MYO18B: variants seen among roughly 807,000 people sequenced by gnomAD.
MYO18B encodes myosin XVIIIB.
A neutral mutation model predicts 273.0 loss-of-function variants in MYO18B; 204 were observed. The observed-to-expected ratio is 0.75, with a 90% CI of 0.67 to 0.84. The LOEUF (loss-of-function observed/expected upper bound fraction) is 0.84, where lower values mean the gene tolerates loss of function less well. Ranked by LOEUF, MYO18B falls within the 40% of genes least tolerant of loss-of-function variation. The probability of loss-of-function intolerance (pLI) is 0.00; values close to 1 mark genes in which losing one functional copy is unlikely to be tolerated. For missense variants in MYO18B, 3,212 were observed against 3,287.6 expected (o/e 0.98, Z 0.56); for synonymous variants, 1,330 against 1,305.7 (o/e 1.02, Z -0.40).
At chr22:25,899,038 C>T (rs1201468723) in intron 29 of MYO18B, 1 of 152,808 alleles carries the variant, frequency 6.5e-6, no homozygotes, top group Admixed American at 6.5e-5. Flanking sequence ...ATATGGCCTT[C>T]TCATTTAGGA....
intron 39 of MYO18B, among the ~76,000 whole-genome samples, chr22:25,968,029 T>A (rs1304149816): frequency 6.6e-6 from 1 of 152,156 alleles, no homozygotes; most frequent in Non-Finnish European, 1.5e-5. Flanking sequence ...TCCCTTCCCA[T>A]TGCCTTGGAG....
intron 1 of MYO18B, among the ~76,000 whole-genome samples, chr22:25,753,711 C>T (rs1236531213): frequency 6.6e-6 from 1 of 152,160 alleles, no homozygotes; most frequent in Admixed American, 6.5e-5. Flanking sequence ...GACGCGGTGC[C>T]TTTAAGAGCT....
chr22:25,929,470 G>T (rs1365072389), intron 34 of MYO18B, among the ~76,000 whole-genome samples: 2 of 152,168 alleles, frequency 1.3e-5, no homozygotes, highest in African/African-American at 4.8e-5. Flanking sequence ...AATAACATCT[G>T]TGAGCAGCAG....
rs143002843 is a variant in MYO18B at position 26,000,717 on chromosome 22, T to A, written c.6288-2548T>A. 2.2e-3 allele frequency among the ~76,000 whole-genome samples: 338 copies of A among 152,264 alleles called. 2 individuals are homozygous for A. The highest frequency in any genetic ancestry group is 2.8e-3 in the Non-Finnish European group (189 of 68,034). On this transcript the variant is annotated intron_variant, in intron 40 of 43. Transcript: ENST00000335473. ...GTTCCCAGAAGCTCTTAATTCAGCC[T>A]TCTTATTTTAAACATACTCTCATTT...
intron 21 of MYO18B, among the ~76,000 whole-genome samples, chr22:25,860,489 A>G (rs1206402714): frequency 1.3e-5 from 2 of 152,202 alleles, no homozygotes; most frequent in Admixed American, 1.3e-4. Context: ...TGGTTAAAGC[A>G]TACATTTTCC....
chr22:25,886,885 T>C (rs1391907290), intron 25 of MYO18B, among the ~76,000 whole-genome samples: 1 of 152,108 alleles, frequency 6.6e-6, no homozygotes. Context: ...TCCTGTTCTG[T>C]AAAAGGGGAA....
At chr22:25,984,895 G>A (rs2093185059) in intron 39 of MYO18B, among the ~76,000 whole-genome samples, 1 of 152,150 alleles carries the variant, frequency 6.6e-6, no homozygotes, top group Non-Finnish European at 1.5e-5. Context: ...TTGGCTTGGT[G>A]AGTTGAGATA....
chr22:25,938,124 G>T (rs533185372), intron 34 of MYO18B, among the ~76,000 whole-genome samples: 2 of 152,156 alleles, frequency 1.3e-5, no homozygotes, highest in Admixed American at 1.3e-4. Context: ...CCCCTCAGTT[G>T]TTCAACCAGA....
intron 34 of MYO18B, among the ~76,000 whole-genome samples, chr22:25,943,749 C>T (rs531354495): frequency 6.7e-5 from 8 of 119,326 alleles, no homozygotes; most frequent in South Asian, 5.6e-4. Flanking sequence ...GACGGAGTTT[C>T]GGTCTTGTTA....
chr22:25,807,316 G>A (rs977363945), intron 12 of MYO18B, among the ~76,000 whole-genome samples: 1 of 152,250 alleles, frequency 6.6e-6, no homozygotes, highest in African/African-American at 2.4e-5. Context: ...GAGTGACACA[G>A]ATCTGGACTC....
At chr22:25,744,502 T>C (rs1027850315) in intron 1 of MYO18B, among the ~76,000 whole-genome samples, 3 of 151,964 alleles carry the variant, frequency 2.0e-5, no homozygotes, top group African/African-American at 7.3e-5. Context: ...GAGGCCGAGG[T>C]GGGCAGATCA....
chr22:25,755,203 A>T (rs1469235152), intron 1 of MYO18B, among the ~76,000 whole-genome samples: 1 of 151,304 alleles, frequency 6.6e-6, no homozygotes, highest in Non-Finnish European at 1.5e-5. Flanking sequence ...TTTAAATTAA[A>T]TTTTATTTTA....
In MYO18B at chr22:25,890,792, T is replaced by C. The variant is rs1266541897; in HGVS notation, c.4351T>C (p.Phe1451Leu). 1 of 1,613,814 alleles carries C rather than the reference T, an allele frequency of 6.2e-7. No individual in the cohort carries two copies. Among genetic ancestry groups the C allele is most frequent in the African/African-American group, 1.3e-5 (1 of 74,902 alleles). Residue 1451 changes from phenylalanine (F) to leucine (L), a missense_variant, in exon 26 of 44, where the codon TTC becomes CTC. Coordinates refer to ENST00000335473, the MANE Select transcript of MYO18B (RefSeq NM_032608.7). ...DLTSDLADER[F>L]KGDVACQVLE... Reference sequence around the variant, plus strand: ...GACCTCTGACCTTGCCGATGAGCGCTTCAAAGGTGATGTGGCCTGCCAGGT... The same window carrying C: ...GACCTCTGACCTTGCCGATGAGCGCCTCAAAGGTGATGTGGCCTGCCAGGT...
intron 17 of MYO18B, among the ~76,000 whole-genome samples, chr22:25,839,182 ATGAG>A (rs779327209): frequency 2.2e-4 from 33 of 150,760 alleles, no homozygotes; most frequent in East Asian, 9.8e-4. Flanking sequence ...GTATATATGT[ATGAG>A]TGTGTTTGTA....
chr22:26,053,114 G>T, the MYO18B span, among the ~76,000 whole-genome samples: 1 of 152,132 alleles, frequency 6.6e-6, no homozygotes, highest in Non-Finnish European at 1.5e-5. Context: ...GCCGAATTGG[G>T]TGTCTTTTTA....
In MYO18B at chr22:25,967,896, G is replaced by A. The variant is rs868205319; in HGVS notation, c.6156+12532G>A. Among the ~76,000 whole-genome samples, 18 of 152,230 alleles carry A rather than the reference G, an allele frequency of 1.2e-4. 2 individuals are homozygous for A. The South Asian group carries it at 3.7e-3, about 32-fold the overall frequency. On this transcript the variant is annotated intron_variant, in intron 39 of 43. Transcript: ENST00000335473. ...ATTCCATGCTCCATGACATCACATT[G>A]GTAGCTTGACATTGGCCATTGTGGG...
At chr22:26,056,118 G>A in the MYO18B span, among the ~76,000 whole-genome samples, 5 of 152,168 alleles carry the variant, frequency 3.3e-5, no homozygotes, top group Admixed American at 1.3e-4. Context: ...GGTTGCTGAA[G>A]TTTTAAGTTC....
chr22:25,761,158 C>T (rs1214448211), intron 2 of MYO18B, 27 bp downstream of exon 2: 1 of 1,611,628 alleles, frequency 6.2e-7, no homozygotes, highest in African/African-American at 1.3e-5. Flanking sequence ...GCTGGGGCTG[C>T]AGCCATCTGC....
At chr22:26,060,727 C>T in the MYO18B span, among the ~76,000 whole-genome samples, 2 of 152,204 alleles carry the variant, frequency 1.3e-5, no homozygotes, top group East Asian at 3.9e-4. Flanking sequence ...TACATATACA[C>T]ATGCACACAT....
Sources: gnomAD v4.1 joint callset for allele counts (sites outside exome capture counted in the v4.1 genomes callset) on GRCh38, gnomAD v4.1.1 for gene constraint, MANE v1.5 for transcripts, NCBI Gene and HGNC (gene_info 2026-07-23, HGNC 2026-07-21) for gene names.